NOS3: variants seen among roughly 807,000 people sequenced by gnomAD.
The protein encoded by NOS3 is NOS type III.
NOS3 carries 98 observed loss-of-function variants against 144.9 expected under a neutral mutation model. That is an observed-to-expected ratio of 0.68 (90% CI 0.57 to 0.80). The LOEUF (loss-of-function observed/expected upper bound fraction) is 0.80. Among genes scored for constraint, NOS3 ranks in the 30% least tolerant of loss-of-function variants. The probability of loss-of-function intolerance (pLI) is 0.00; values close to 1 mark genes in which losing one functional copy is unlikely to be tolerated. For missense variants in NOS3, 1,465 were observed against 1,656.4 expected (o/e 0.88, Z 2.01); for synonymous variants, 714 against 702.4 (o/e 1.02, Z -0.26).
rs761085505 is a variant in NOS3, at chr7:151,014,467, C to T, written c.*298C>T. The T allele has an allele frequency of 1.3e-3, 560 of 429,092 alleles. 13 individuals are homozygous for T. Among genetic ancestry groups the T allele is most frequent in the Non-Finnish European group, 3.1e-4 (75 of 241,104 alleles). The allele number at this position is 429,092 out of a possible 1,614,324, so 26.6% of individuals were successfully genotyped here. A position where few individuals can be genotyped will look rare whatever the true frequency, so the allele number is the denominator to read the frequency against. ...TAGTCGAATGTTAGATTCCTCTTGCCTCTCTCAGGAGTATCTTACCTGTAA... is the reference window on the plus strand; with the variant it reads ...TAGTCGAATGTTAGATTCCTCTTGCTTCTCTCAGGAGTATCTTACCTGTAA... On this transcript the variant is annotated 3_prime_UTR_variant, in exon 27 of 27. Coordinates refer to ENST00000297494, the MANE Select transcript of NOS3 (RefSeq NM_000603.5).
At position 150,995,328 on chromosome 7, in the gene NOS3, G is replaced by T. The variant is rs761140233; in HGVS notation, c.270+14G>T. On this transcript the variant is annotated intron_variant, in intron 3 of 26. Coordinates refer to ENST00000297494, the MANE Select transcript of NOS3 (RefSeq NM_000603.5). ...CAGGCGCAGCAGGTAAGGCCGGCAT[G>T]CCCTGTCCCCATCGTCTCCAGGGAA... 3 of 1,574,408 alleles carry T rather than the reference G, an allele frequency of 1.9e-6. No individual in the cohort carries two copies. Among genetic ancestry groups the T allele is most frequent in the Admixed American group, 3.4e-5 (2 of 59,464 alleles).
At position 151,008,928 on chromosome 7, in the gene NOS3, A is replaced by C; in HGVS notation, c.2113-2A>C. ...CTCAGCCCTCACCGGCCTGTCCCGCAGGCCGCCTGTGAGACCTTCTGTGTG... is the reference window on the plus strand; with the variant it reads ...CTCAGCCCTCACCGGCCTGTCCCGCCGGCCGCCTGTGAGACCTTCTGTGTG... On this transcript the variant is annotated splice_acceptor_variant, in intron 17 of 26. Transcript: ENST00000297494. LOFTEE classifies it high-confidence loss of function. The C allele has an allele frequency of 1.2e-6, 2 of 1,606,884 alleles. No individual in the cohort carries two copies. Among genetic ancestry groups the C allele is most frequent in the Non-Finnish European group, 1.7e-6 (2 of 1,177,692 alleles).
intron 17 of NOS3, among the ~76,000 whole-genome samples, chr7:151,008,311 G>C (rs1584910129): frequency 6.6e-6 from 1 of 152,106 alleles, no homozygotes; most frequent in East Asian, 1.9e-4. Context: ...GTGATATGAG[G>C]CTCAGCCAAT....
In NOS3 at chr7:151,001,426, G is replaced by T. The variant is rs1795095107; in HGVS notation, c.1428+1G>T. The T allele has an allele frequency of 6.3e-7, 1 of 1,586,250 alleles. No individual in the cohort carries two copies. The highest frequency in any genetic ancestry group is 1.7e-5 in the Admixed American group (1 of 57,872). On this transcript the variant is annotated splice_donor_variant, in intron 11 of 26. Coordinates refer to ENST00000297494, the MANE Select transcript of NOS3 (RefSeq NM_000603.5). LOFTEE classifies it high-confidence loss of function. ...CCTGTCCCCGGCCTTCCGCTACCAG[G>T]TGCCCACCCTAACTGGCTCTGCCAG...
rs2117140482 is a variant in NOS3 at position 151,013,310 on chromosome 7, G to A, written c.3186G>A (p.Gln1062=). The A allele has an allele frequency of 6.2e-7, 1 of 1,614,106 alleles. No homozygotes were observed. The highest frequency in any genetic ancestry group is 8.5e-7 in the Non-Finnish European group (1 of 1,180,042). The change falls in exon 25 of 27, where the codon CAG becomes CAA. Residue 1062 remains glutamine, a synonymous_variant. Transcript: ENST00000297494. The part of the protein sequence containing the change: ...QLDHLYRDEV[Q]NAQQRGVFGR... ...ACCATCTCTACCGCGACGAGGTGCAGAACGCCCAGCAGCGCGGGGTGTTTG... is the reference window on the plus strand; with the variant it reads ...ACCATCTCTACCGCGACGAGGTGCAAAACGCCCAGCAGCGCGGGGTGTTTG...
intron 1 of NOS3, among the ~76,000 whole-genome samples, chr7:150,992,417 C>T (rs1364750423): frequency 6.6e-6 from 1 of 152,284 alleles, no homozygotes; most frequent in Non-Finnish European, 1.5e-5. Context: ...GGGCCTCAGG[C>T]TTGGGGTCAT....
Position 151,001,212 on chromosome 7 carries a change from C to T in NOS3, c.1234-19C>T, listed in dbSNP as rs756291799. 1 of 1,610,796 alleles carries T rather than the reference C, an allele frequency of 6.2e-7. No homozygotes were observed. Among genetic ancestry groups the T allele is most frequent in the South Asian group, 1.1e-5 (1 of 91,026 alleles). On this transcript the variant is annotated intron_variant, in intron 10 of 26. Coordinates refer to ENST00000297494, the MANE Select transcript of NOS3 (RefSeq NM_000603.5). ...CTGTGGGTCTGGTTTGAGCCTCTCC[C>T]CCTCTCTCTCCCTTCCAGCTAGCCA...
At position 151,002,235 on chromosome 7, in the gene NOS3, C is replaced by T. The variant is rs202072373; in HGVS notation, c.1683C>T (p.Leu561=). The T allele has an allele frequency of 2.9e-5, 47 of 1,601,002 alleles. No individual in the cohort carries two copies. In the East Asian group the frequency reaches 7.2e-4, roughly 24 times the overall value. Reference sequence around the variant, plus strand: ...TGGATGAGTATGACGTGGTGTCCCTCGAACACGAGACGCTGGTGCTGGTGG... The same window carrying T: ...TGGATGAGTATGACGTGGTGTCCCTTGAACACGAGACGCTGGTGCTGGTGG... ...LCMDEYDVVS[L]EHETLVLVVT... Residue 561 remains leucine (L), a synonymous_variant, in exon 14 of 27, where the codon CTC becomes CTT. Coordinates refer to ENST00000297494, the MANE Select transcript of NOS3 (RefSeq NM_000603.5). This position sits in a 1 kb window ranked among gnomAD's most constrained non-coding sequence, Gnocchi z 4.1.
In NOS3 at chr7:150,998,831, G is replaced by A. The variant is rs995550332; in HGVS notation, c.817-115G>A. The A allele has an allele frequency of 1.3e-5, 19 of 1,480,612 alleles. No homozygotes were observed. The highest frequency in any genetic ancestry group is 6.4e-5 in the South Asian group (5 of 77,876). 91.7% of individuals were successfully genotyped at this position (1,480,612 alleles called of 1,614,324 possible). A position where few individuals can be genotyped will look rare whatever the true frequency, so the allele number is the denominator to read the frequency against. Reference sequence around the variant, plus strand: ...AAAGGAGGGGTGCCTGGGTGGTCACGGAGACCCAGCCAATGAGGGACCCTG... The same window carrying A: ...AAAGGAGGGGTGCCTGGGTGGTCACAGAGACCCAGCCAATGAGGGACCCTG... On this transcript the variant is annotated intron_variant, in intron 7 of 26. Transcript: ENST00000297494. This position sits in a 1 kb window ranked among gnomAD's most constrained non-coding sequence, Gnocchi z 5.0.
intron 25 of NOS3, 30 bp downstream of exon 25, chr7:151,013,409 C>T: frequency 3.8e-6 from 6 of 1,596,626 alleles, no homozygotes; most frequent in Non-Finnish European, 5.1e-6. Flanking sequence ...CAATGGTAAC[C>T]TGAAGATAGG....
rs753971090 is a variant in NOS3, at chr7:151,008,918, C to G, written c.2113-12C>G. 26 of 1,603,806 alleles carry G rather than the reference C, an allele frequency of 1.6e-5. No homozygotes were observed. Among genetic ancestry groups the G allele is most frequent in the Admixed American group, 5.1e-5 (3 of 58,254 alleles). ...GCGGGAGGTCCTCAGCCCTCACCGGCCTGTCCCGCAGGCCGCCTGTGAGAC... is the reference window on the plus strand; with the variant it reads ...GCGGGAGGTCCTCAGCCCTCACCGGGCTGTCCCGCAGGCCGCCTGTGAGAC... On this transcript the variant is annotated splice_polypyrimidine_tract_variant and intron_variant, in intron 17 of 26. Transcript: ENST00000297494.
In NOS3 at chr7:151,014,372, C is replaced by T; in HGVS notation, c.*203C>T. The T allele has an allele frequency of 1.7e-6, 1 of 575,730 alleles. No homozygotes were observed. The highest frequency in any genetic ancestry group is 2.9e-6 in the Non-Finnish European group (1 of 340,616). 35.7% of individuals were successfully genotyped at this position (575,730 alleles called of 1,614,324 possible). On this transcript the variant is annotated 3_prime_UTR_variant, in exon 27 of 27. Coordinates refer to ENST00000297494, the MANE Select transcript of NOS3 (RefSeq NM_000603.5). ...TAGGCCTGTTGCCTCGGGCCTGGGT[C>T]CGCCTTAATCTGGAAGGCCCCTCCC... is the stretch of plus-strand genomic sequence containing the variant.
At chr7:151,000,414 T>C (rs1795063309) in intron 9 of NOS3, 84 bp from the exon 10 acceptor site, 5 of 875,964 alleles carry the variant, frequency 5.7e-6, no homozygotes, top group East Asian at 2.4e-5. Context: ...CTTCCAGCCA[T>C]GTACGGGAAA....
At chr7:151,001,706 G>C in intron 12 of NOS3, 89 bp downstream of exon 12, 5 of 1,572,600 alleles carry the variant, frequency 3.2e-6, no homozygotes, top group Non-Finnish European at 4.4e-6. Context: ...CCCCAGCAGT[G>C]TTCTGGGCCT....
chr7:151,010,273 G>C lies in NOS3; in HGVS notation c.2671G>C (p.Glu891Gln), dbSNP rs777055372. The stretch of plus-strand genomic sequence containing the variant: ...AGAGCCCAGGGAACAGCAGGAGCTG[G>C]AGGCCCTCAGCCAGGTTGGGGGCCA... ...AEEPREQQEL[E>Q]ALSQDPRRYE... Residue 891 changes from glutamate (E) to glutamine (Q), a missense_variant, in exon 21 of 27, where the codon GAG (glutamate) becomes CAG (glutamine). Coordinates refer to ENST00000297494, the MANE Select transcript of NOS3 (RefSeq NM_000603.5). 84 of 1,612,566 alleles carry C rather than the reference G, an allele frequency of 5.2e-5. No individual in the cohort carries two copies. Among genetic ancestry groups the C allele is most frequent in the Non-Finnish European group, 7.0e-5 (82 of 1,179,794 alleles).
rs138269110 is a variant in NOS3 at position 151,001,579 on chromosome 7, C to G, written c.1464C>G (p.Thr488=). The change falls in exon 12 of 27, where the codon ACC becomes ACG. Residue 488 remains threonine, a synonymous_variant. Transcript: ENST00000297494. The stretch of plus-strand genomic sequence containing the variant: ...GGAAGGGGAGTGCCGCCAAGGGCAC[C>G]GGCATCACCAGGAAGAAGACCTTTA... ...DPWKGSAAKG[T]GITRKKTFKE... 1.1e-3 allele frequency: 1,724 copies of G among 1,613,974 alleles called. 3 individuals are homozygous for G. The highest frequency in any genetic ancestry group is 1.3e-3 in the Non-Finnish European group (1,591 of 1,179,984).
rs1257882112 is a variant in NOS3 at position 151,010,281 on chromosome 7, C to CA, written c.2680dup (p.Ser894LysfsTer138). 6.2e-7 allele frequency: 1 copy of CA among 1,611,972 alleles called. No individual in the cohort carries two copies. The highest frequency in any genetic ancestry group is 8.5e-7 in the Non-Finnish European group (1 of 1,179,492). On this transcript the variant is annotated frameshift_variant, in exon 21 of 27. Transcript: ENST00000297494. LOFTEE classifies it high-confidence loss of function. ...GGGAACAGCAGGAGCTGGAGGCCCT[C>CA]AGCCAGGTTGGGGGCCACCCCAATG...
intron 9 of NOS3, among the ~76,000 whole-genome samples, chr7:150,999,721 G>A (rs1278367335): frequency 6.7e-6 from 1 of 148,844 alleles, no homozygotes; most frequent in African/African-American, 2.5e-5. Context: ...TGTATAGGCA[G>A]TGACTGTGAG....
intron 17 of NOS3, among the ~76,000 whole-genome samples, chr7:151,007,685 C>T (rs1795227213): frequency 6.6e-6 from 1 of 152,248 alleles, no homozygotes; most frequent in Non-Finnish European, 1.5e-5. Context: ...GAGGCCAGCA[C>T]AGAAGCCACA....
Sources: allele counts gnomAD v4.1 joint callset (sites outside exome capture counted in the v4.1 genomes callset), GRCh38; gene constraint gnomAD v4.1.1; non-coding constraint Gnocchi (gnomAD v3.1); transcripts MANE v1.5; gene names NCBI Gene and HGNC (gene_info 2026-07-23, HGNC 2026-07-21).